The following VTI1A variants were observed in gnomAD, a reference collection of about 807,000 sequenced individuals.
VTI1A encodes the protein vesicle transport through interaction with t-SNAREs homolog 1A.
A neutral mutation model predicts 34.9 loss-of-function variants in VTI1A; 22 were observed. The ratio of observed to expected loss-of-function variants is 0.63; its 90% CI spans 0.45 to 0.90. The LOEUF (loss-of-function observed/expected upper bound fraction) is 0.90. Ranked by LOEUF, VTI1A falls within the 40% of genes least tolerant of loss-of-function variation. The pLI is 0.00. For missense variants in VTI1A, 268 were observed against 275.6 expected (o/e 0.97, Z 0.20); for synonymous variants, 87 against 97.3 (o/e 0.89, Z 0.62).
At chr10:112,826,563 C>A in the VTI1A span, 1 of 152,198 alleles carries the variant, frequency 6.6e-6, no homozygotes, top group Non-Finnish European at 1.5e-5. Flanking sequence ...AAGACCAGTC[C>A]TCAGTATCTG....
intron 3 of VTI1A, among the ~76,000 whole-genome samples, chr10:112,484,466 C>A (rs996049563): frequency 9.2e-5 from 14 of 152,164 alleles, no homozygotes; most frequent in African/African-American, 3.4e-4. Context: ...AACCATTATT[C>A]ACCTCCTTTG....
At chr10:112,576,377 A>G (rs546110340) in intron 5 of VTI1A, among the ~76,000 whole-genome samples, 44 of 152,334 alleles carry the variant, frequency 2.9e-4, no homozygotes, top group African/African-American at 1.1e-3. Flanking sequence ...CTGTTTTAGC[A>G]TGCATTTAAT....
intron 7 of VTI1A, among the ~76,000 whole-genome samples, chr10:112,762,426 A>G (rs1237398212): frequency 6.6e-6 from 1 of 152,238 alleles, no homozygotes; most frequent in Non-Finnish European, 1.5e-5. Flanking sequence ...GAATTGGAAT[A>G]GAAGCCGTAG....
chr10:112,837,545 T>C, the VTI1A span, among the ~76,000 whole-genome samples: 2 of 152,184 alleles, frequency 1.3e-5, no homozygotes, highest in Non-Finnish European at 2.9e-5. Flanking sequence ...GCTTCAGGAA[T>C]CCTTGGTTCT....
chr10:112,855,076 G>C, the VTI1A span, among the ~76,000 whole-genome samples: 1 of 152,244 alleles, frequency 6.6e-6, no homozygotes, highest in Non-Finnish European at 1.5e-5. Context: ...CTGGGAAGGA[G>C]CTGGAGAAGC....
In VTI1A at chr10:112,573,905, T is replaced by C. The variant is rs117404240; in HGVS notation, c.427+35575T>C. On this transcript the variant is annotated intron_variant, in intron 5 of 7. Transcript: ENST00000393077. The stretch of plus-strand genomic sequence containing the variant: ...ATATATTAAGACTAATACCATTGGC[T>C]TCTGTGAGGAATGTTTTGTACTTTG... Among the ~76,000 whole-genome samples, 71 of 152,346 alleles carry C rather than the reference T, an allele frequency of 4.7e-4. 1 individual carries two copies. The East Asian group carries it at 0.013, about 28-fold the overall frequency.
intron 7 of VTI1A, among the ~76,000 whole-genome samples, chr10:112,706,422 T>C (rs1849200862): frequency 6.6e-6 from 1 of 152,224 alleles, no homozygotes; most frequent in African/African-American, 2.4e-5. Context: ...CAATGTGTGC[T>C]AATTAAATAA....
chr10:112,472,943 C>T (rs1011725366), intron 3 of VTI1A, among the ~76,000 whole-genome samples: 8 of 149,522 alleles, frequency 5.4e-5, no homozygotes, highest in Non-Finnish European at 1.2e-4. Flanking sequence ...AATACCTGGT[C>T]GTTATAGAAT....
intron 7 of VTI1A, among the ~76,000 whole-genome samples, chr10:112,768,485 G>A (rs563040703): frequency 3.9e-5 from 6 of 152,280 alleles, no homozygotes; most frequent in South Asian, 4.1e-4. Flanking sequence ...CCCCATGATC[G>A]TCTACCAGTT....
intron 7 of VTI1A, among the ~76,000 whole-genome samples, chr10:112,814,902 G>A (rs1406640786): frequency 2.0e-5 from 3 of 152,048 alleles, no homozygotes; most frequent in Admixed American, 6.6e-5. Context: ...ACTTTAACAG[G>A]AAACACTGCA....
chr10:112,449,058 T>G (rs1172219757), intron 1 of VTI1A: 1 of 152,256 alleles, frequency 6.6e-6, no homozygotes, highest in South Asian at 2.1e-4. Flanking sequence ...TCAGAGATTT[T>G]TGTGTCGAAA....
intron 7 of VTI1A, among the ~76,000 whole-genome samples, chr10:112,684,523 C>T (rs1848333963): frequency 6.7e-6 from 1 of 149,978 alleles, no homozygotes; most frequent in African/African-American, 2.5e-5. Context: ...ACTCCAACCT[C>T]CGCCTCCTGG....
intron 7 of VTI1A, among the ~76,000 whole-genome samples, chr10:112,723,198 G>A (rs1348121930): frequency 2.0e-5 from 3 of 152,040 alleles, no homozygotes; most frequent in Non-Finnish European, 2.9e-5. Context: ...CGTCCTCCTC[G>A]TCACCATTAT....
At chr10:112,646,865 A>C (rs1042081423) in intron 5 of VTI1A, among the ~76,000 whole-genome samples, 1 of 152,236 alleles carries the variant, frequency 6.6e-6, no homozygotes, top group East Asian at 1.9e-4. Context: ...TCAGTTTAGC[A>C]CTTGTGCAAT....
intron 7 of VTI1A, among the ~76,000 whole-genome samples, chr10:112,804,935 A>G (rs1420596037): frequency 7.6e-6 from 1 of 132,262 alleles, no homozygotes; most frequent in Non-Finnish European, 1.5e-5. Context: ...ATCACAGGTC[A>G]CTGCAGCCTT....
chr10:112,832,366 T>C, the VTI1A span: 3 of 152,214 alleles, frequency 2.0e-5, no homozygotes, highest in Admixed American at 2.0e-4. Flanking sequence ...TTAGTTAGGC[T>C]GGAGAGGGCC....
Position 112,813,881 on chromosome 10 carries a change from A to T in VTI1A, c.561-1409A>T, listed in dbSNP as rs371431561. 7.2e-5 allele frequency among the ~76,000 whole-genome samples: 11 copies of T among 152,338 alleles called. No individual in the cohort carries two copies. In the South Asian group the frequency reaches 2.3e-3, roughly 32 times the overall value. ...TTCATCTCCTGCGAGGAGAGTGGACAGAGGCACTAAGGCAGTTTTGCGGAA... is the reference window on the plus strand; with the variant it reads ...TTCATCTCCTGCGAGGAGAGTGGACTGAGGCACTAAGGCAGTTTTGCGGAA... On this transcript the variant is annotated intron_variant, in intron 7 of 7. Coordinates refer to ENST00000393077, the MANE Select transcript of VTI1A (RefSeq NM_145206.4).
chr10:112,797,555 GA>G (rs5787977), intron 7 of VTI1A, among the ~76,000 whole-genome samples: 111,144 of 150,504 alleles, frequency 0.74, 42,204 homozygotes, highest in Non-Finnish European at 0.84. Context: ...GGAGATTCAA[GA>G]AAAAAAAAAA....
chr10:112,502,252 C>T (rs1177484132), intron 3 of VTI1A, among the ~76,000 whole-genome samples: 1 of 151,832 alleles, frequency 6.6e-6, no homozygotes, highest in Non-Finnish European at 1.5e-5. Flanking sequence ...GGGCTGGTCT[C>T]CAACTCCTAA....
Sources: gnomAD v4.1 joint callset for allele counts (sites outside exome capture counted in the v4.1 genomes callset) on GRCh38, gnomAD v4.1.1 for gene constraint, MANE v1.5 for transcripts, NCBI Gene and HGNC (gene_info 2026-07-23, HGNC 2026-07-21) for gene names.